The following ZNF112 variants were observed in gnomAD, a reference collection of about 807,000 sequenced individuals.
The protein encoded by ZNF112 is zinc finger protein 112, also known as zinc finger protein 112 (Y14).
Under a neutral mutation model 77.7 loss-of-function variants are expected in ZNF112, and 37 were observed. The ratio of observed to expected loss-of-function variants is 0.48; its 90% CI spans 0.37 to 0.63. The LOEUF is 0.63. Among genes scored for constraint, ZNF112 ranks in the 20% least tolerant of loss-of-function variants. ZNF112 has a pLI of 0.00. For missense variants in ZNF112, 950 were observed against 1,077.4 expected, an observed-to-expected ratio of 0.88 and a Z score of 1.66; for synonymous variants, 333 against 363.6, an observed-to-expected ratio of 0.92 and a Z score of 0.96.
chr19:44,339,980 G>A (rs565289390), intron 2 of ZNF112, among the ~76,000 whole-genome samples: 1 of 152,054 alleles, frequency 6.6e-6, no homozygotes, highest in African/African-American at 2.4e-5. Context: ...ATAAATGATA[G>A]AGCAAATAGG....
At chr19:44,341,295 C>T (rs1970485088) in intron 1 of ZNF112, 5 of 426,794 alleles carry the variant, frequency 1.2e-5, no homozygotes, top group South Asian at 8.5e-5. Flanking sequence ...TTTGATCCAA[C>T]TAATGCACAC....
chr19:44,359,722 A>T (rs1449623772), upstream of ZNF112, among the ~76,000 whole-genome samples: 1 of 152,092 alleles, frequency 6.6e-6, no homozygotes, highest in Non-Finnish European at 1.5e-5. Context: ...TTCTCAGTGG[A>T]CCCTAAATTA....
At chr19:44,347,484 G>GTT (rs1659708770) in intron 1 of ZNF112, among the ~76,000 whole-genome samples, 5 of 34,732 alleles carry the variant, frequency 1.4e-4, no homozygotes, top group African/African-American at 3.1e-4. Flanking sequence ...CTTTTGGGTT[G>GTT]ATTTTTTTTT....
upstream of ZNF112, among the ~76,000 whole-genome samples, chr19:44,360,171 G>A (rs905085818): frequency 6.6e-6 from 1 of 150,822 alleles, no homozygotes; most frequent in Non-Finnish European, 1.5e-5. Flanking sequence ...TGGGAGAATC[G>A]CTTGAACCTG....
intron 1 of ZNF112, among the ~76,000 whole-genome samples, chr19:44,347,219 T>C (rs978957067): frequency 6.6e-6 from 1 of 152,122 alleles, no homozygotes; most frequent in African/African-American, 2.4e-5. Flanking sequence ...ATATAGCCAC[T>C]CCGTAGTACA....
chr19:44,327,725 T>G lies in ZNF112; in HGVS notation c.2432A>C (p.Tyr811Ser). ...CEQCGKGFSG[Y>S]SSLQAHHRVH... ...TCTGTGATGGGCTTGAAGACTTGAATACCCACTGAAACCCTTACCACACTG... is the reference window on the plus strand; with the variant it reads ...TCTGTGATGGGCTTGAAGACTTGAAGACCCACTGAAACCCTTACCACACTG... Residue 811 changes from tyrosine to serine, a missense_variant, in exon 4 of 4, where the codon TAT (tyrosine) becomes TCT (serine). Physicochemically the swap from Tyr to Ser is moderately radical, Grantham distance 144 (BLOSUM62 -2). This residue lies in a region of ZNF112 where 373 missense variants were observed against 482.8 expected (regional missense o/e 0.77). Transcript: ENST00000354340. The G allele has an allele frequency of 6.2e-7, 1 of 1,612,996 alleles. No homozygotes were observed. The highest frequency in any genetic ancestry group is 8.5e-7 in the Non-Finnish European group (1 of 1,179,652).
At chr19:44,354,225 T>C (rs1037510894) in intron 1 of ZNF112, among the ~76,000 whole-genome samples, 39 of 152,068 alleles carry the variant, frequency 2.6e-4, no homozygotes, top group Non-Finnish European at 4.7e-4. Flanking sequence ...TGAGGGGTAA[T>C]TATGAGGGAA....
chr19:44,343,263 G>A, intron 1 of ZNF112: 2 of 1,613,544 alleles, frequency 1.2e-6, no homozygotes, highest in Non-Finnish European at 1.7e-6. Context: ...CCTGGAATTT[G>A]GTCATTTTTC....
In ZNF112 at chr19:44,329,351, A is replaced by G. The variant is rs764077371; in HGVS notation, c.806T>C (p.Val269Ala). 5.6e-6 allele frequency: 9 copies of G among 1,613,780 alleles called. No homozygotes were observed. In the South Asian group the frequency reaches 9.9e-5, roughly 18 times the overall value. The stretch of plus-strand genomic sequence containing the variant: ...CCCTTCCAAGTGGAACTGCTGATGA[A>G]CCTCAGAGCTGGAGTCATTACTGAA... ...KAFSNDSSSE[V>A]HQQFHLEGKP... Residue 269 changes from valine (V) to alanine (A), a missense_variant, in exon 4 of 4, where the codon GTT (valine) becomes GCT (alanine). This residue lies in a region of ZNF112 where 560 missense variants were observed against 557.3 expected (regional missense o/e 1.00). Transcript: ENST00000354340.
chr19:44,341,643 A>G (rs1263332516), intron 1 of ZNF112, among the ~76,000 whole-genome samples: 1 of 152,222 alleles, frequency 6.6e-6, no homozygotes, highest in Non-Finnish European at 1.5e-5. Context: ...ATTGGTAATA[A>G]AGTTCATTCT....
At chr19:44,361,088 A>C (rs183733195), upstream of ZNF112, among the ~76,000 whole-genome samples, 1 of 152,218 alleles carries the variant, frequency 6.6e-6, no homozygotes, top group Non-Finnish European at 1.5e-5. Context: ...TAACTAGACA[A>C]ACCCAGTAGA....
intron 1 of ZNF112, among the ~76,000 whole-genome samples, chr19:44,344,160 C>A: frequency 6.6e-6 from 1 of 152,126 alleles, no homozygotes; most frequent in Non-Finnish European, 1.5e-5. Context: ...GATCCTCTGT[C>A]TAGATATGAC....
intron 1 of ZNF112, among the ~76,000 whole-genome samples, chr19:44,355,872 G>A (rs1970777165): frequency 6.6e-6 from 1 of 152,202 alleles, no homozygotes; most frequent in Non-Finnish European, 1.5e-5. Flanking sequence ...CGTCTTCCCT[G>A]AAAAGAAAGG....
At chr19:44,344,378 G>GA (rs2123186837) in intron 1 of ZNF112, among the ~76,000 whole-genome samples, 1 of 152,008 alleles carries the variant, frequency 6.6e-6, no homozygotes, top group Admixed American at 6.5e-5. Flanking sequence ...AGAAAGAACT[G>GA]AAAAAAATAA....
chr19:44,361,397 A>G (rs2123228175), upstream of ZNF112, among the ~76,000 whole-genome samples: 1 of 152,272 alleles, frequency 6.6e-6, no homozygotes, highest in South Asian at 2.1e-4. Context: ...TGATATTTCA[A>G]TCTGTAAAAT....
upstream of ZNF112, among the ~76,000 whole-genome samples, chr19:44,357,239 C>G (rs1970801806): frequency 6.6e-6 from 1 of 152,146 alleles, no homozygotes; most frequent in African/African-American, 2.4e-5. Flanking sequence ...CCCAAATAAA[C>G]TCAACCAAAG....
At chr19:44,340,676 G>A in intron 1 of ZNF112, 134 bp from the exon 2 acceptor site, 1 of 1,281,978 alleles carries the variant, frequency 7.8e-7, no homozygotes, top group Non-Finnish European at 1.1e-6. Context: ...TTTACCTTCT[G>A]TAATGCTAAT....
intron 1 of ZNF112, among the ~76,000 whole-genome samples, chr19:44,350,282 C>CA (rs773017917): frequency 2.8e-4 from 43 of 152,088 alleles, no homozygotes; most frequent in Non-Finnish European, 5.6e-4. Context: ...CATTCAAACT[C>CA]AAAGATTTAA....
intron 1 of ZNF112, chr19:44,341,041 T>C: frequency 2.3e-6 from 1 of 426,102 alleles, no homozygotes; most frequent in Non-Finnish European, 4.6e-6. Context: ...ATCTGGGCGC[T>C]CTGCCCAATG....
Sources: allele counts gnomAD v4.1 joint callset (sites outside exome capture counted in the v4.1 genomes callset), GRCh38; gene constraint gnomAD v4.1.1; regional missense constraint gnomAD v4.1.1; transcripts MANE v1.5; gene names NCBI Gene and HGNC (gene_info 2026-07-23, HGNC 2026-07-21).